SEMA4F: variants seen among roughly 807,000 people sequenced by gnomAD.
SEMA4F encodes the protein semaphorin-4F.
Under a neutral mutation model 78.4 loss-of-function variants are expected in SEMA4F, and 51 were observed. The ratio of observed to expected loss-of-function variants is 0.65; its 90% CI spans 0.52 to 0.82. The LOEUF is 0.82. SEMA4F is among the 40% of genes least tolerant of loss of function. The probability of loss-of-function intolerance (pLI) is 0.00; values close to 1 mark genes in which losing one functional copy is unlikely to be tolerated. For missense variants in SEMA4F, 938 were observed against 1,014.4 expected (o/e 0.92, Z 1.02); for synonymous variants, 418 against 408.7 (o/e 1.02, Z -0.27).
the SEMA4F span, among the ~76,000 whole-genome samples, chr2:74,705,974 T>C: frequency 6.6e-6 from 1 of 152,154 alleles, no homozygotes; most frequent in African/African-American, 2.4e-5. Flanking sequence ...TTTTTTTTTG[T>C]ATATTTTCTG....
the SEMA4F span, among the ~76,000 whole-genome samples, chr2:74,697,366 T>A: frequency 6.6e-6 from 1 of 152,210 alleles, no homozygotes; most frequent in African/African-American, 2.4e-5. Context: ...TGCACTTCTC[T>A]TTGAGAGGCT....
the SEMA4F span, among the ~76,000 whole-genome samples, chr2:74,705,505 A>T: frequency 6.6e-6 from 1 of 152,254 alleles, no homozygotes; most frequent in Admixed American, 6.5e-5. Flanking sequence ...GATGTTTGTC[A>T]TATATTATCA....
chr2:74,705,028 G>A, the SEMA4F span, among the ~76,000 whole-genome samples: 1 of 152,196 alleles, frequency 6.6e-6, no homozygotes. Context: ...TTGCAAATGT[G>A]CAGATGGGTT....
At chr2:74,691,014 G>A in the SEMA4F span, among the ~76,000 whole-genome samples, 4,425 of 152,140 alleles carry the variant, frequency 0.029, 193 homozygotes, top group African/African-American at 0.094. Flanking sequence ...GATTTTCGTG[G>A]TCATCCAAAG....
At position 74,675,237 on chromosome 2, in the gene SEMA4F, C is replaced by T. The variant is rs188071306; in HGVS notation, c.1225C>T (p.Arg409Trp). The T allele has an allele frequency of 2.5e-5, 41 of 1,614,172 alleles. No homozygotes were observed. Among genetic ancestry groups the T allele is most frequent in the Admixed American group, 1.7e-4 (10 of 60,028 alleles). ...GCCTGACCGCGTACTCACCTTCATCCGGGACCACCCACTCATGGACAGGCC... is the reference window on the plus strand; with the variant it reads ...GCCTGACCGCGTACTCACCTTCATCTGGGACCACCCACTCATGGACAGGCC... ...SLPDRVLTFI[R>W]DHPLMDRPVF... Residue 409 changes from arginine to tryptophan, a missense_variant, in exon 10 of 14, where the codon CGG (arginine) becomes TGG (tryptophan). By Grantham distance (101) the Arg-to-Trp change is moderately radical. Coordinates refer to ENST00000357877, the MANE Select transcript of SEMA4F (RefSeq NM_004263.5).
At chr2:74,656,868 G>A (rs1180571815) in intron 2 of SEMA4F, among the ~76,000 whole-genome samples, 183 bp downstream of exon 2, 1 of 152,060 alleles carries the variant, frequency 6.6e-6, no homozygotes. Context: ...AGAGTATGGC[G>A]GGTCAGGGTG....
the SEMA4F span, among the ~76,000 whole-genome samples, chr2:74,698,007 C>T: frequency 6.6e-6 from 1 of 152,172 alleles, no homozygotes; most frequent in South Asian, 2.1e-4. Flanking sequence ...AGATGCTTGT[C>T]CAGGCCCTGG....
At chr2:74,662,957 G>A in intron 5 of SEMA4F, 132 bp downstream of exon 5, 1 of 803,748 alleles carries the variant, frequency 1.2e-6, no homozygotes. Context: ...AGCCTTTCCT[G>A]TTCTTCCCTG....
At chr2:74,703,472 G>A in the SEMA4F span, among the ~76,000 whole-genome samples, 8 of 152,214 alleles carry the variant, frequency 5.3e-5, no homozygotes, top group African/African-American at 9.7e-5. Context: ...GAACTTAGCC[G>A]CGAAATAGTG....
In SEMA4F at chr2:74,654,293, C is replaced by G. The variant is rs1388547198; in HGVS notation, c.-84C>G. Reference sequence around the variant, plus strand: ...CTGAGCCGGACCGAGCCGAGAGGACCCGAGTGGGGCCGAGGCCAGTAGCCC... The same window carrying G: ...CTGAGCCGGACCGAGCCGAGAGGACGCGAGTGGGGCCGAGGCCAGTAGCCC... On this transcript the variant is annotated 5_prime_UTR_variant, in exon 1 of 14. Transcript: ENST00000357877. 2 of 1,355,484 alleles carry G rather than the reference C, an allele frequency of 1.5e-6. No individual in the cohort carries two copies. Among genetic ancestry groups the G allele is most frequent in the South Asian group, 3.5e-5 (2 of 57,966 alleles). The allele number at this position is 1,355,484 out of a possible 1,614,324, so 84.0% of individuals were successfully genotyped here.
chr2:74,674,735 A>G lies in SEMA4F; in HGVS notation c.1001+59A>G, dbSNP rs898545050. 1.7e-5 allele frequency: 27 copies of G among 1,583,922 alleles called. No homozygotes were observed. The African/African-American group carries it at 1.9e-4, about 11-fold the overall frequency. ...GTGGGAGATATGTGGGGTTGGCACA[A>G]TGTCAGTGTTGTCTCTTCCAGAGGG... On this transcript the variant is annotated intron_variant, in intron 8 of 13. Transcript: ENST00000357877.
downstream of SEMA4F, among the ~76,000 whole-genome samples, chr2:74,687,137 T>C (rs1271335546): frequency 6.6e-6 from 1 of 152,206 alleles, no homozygotes; most frequent in East Asian, 1.9e-4. Context: ...TCCATCTATC[T>C]AAACTATTTT....
the SEMA4F span, among the ~76,000 whole-genome samples, chr2:74,702,136 C>G: frequency 2.6e-5 from 4 of 152,316 alleles, no homozygotes; most frequent in African/African-American, 9.6e-5. Flanking sequence ...GTAAGTTTGG[C>G]AGCCCTGAGG....
At position 74,673,422 on chromosome 2, in the gene SEMA4F, C is replaced by G. The variant is rs752601376; in HGVS notation, c.551-35C>G. On this transcript the variant is annotated intron_variant, in intron 5 of 13. Coordinates refer to ENST00000357877, the MANE Select transcript of SEMA4F (RefSeq NM_004263.5). ...ACCTCTGTTGCTTCCCTCAGTGGGT[C>G]CCTGATAGCCCATCTCCTCCCTGTC... The G allele has an allele frequency of 6.2e-6, 10 of 1,611,792 alleles. No homozygotes were observed. The African/African-American group carries it at 1.2e-4, about 19-fold the overall frequency.
In SEMA4F at chr2:74,682,135, G is replaced by A. The variant is rs1685650715; in HGVS notation, c.*1926G>A. 1 of 152,250 alleles carries A rather than the reference G, an allele frequency of 6.6e-6. No individual in the cohort carries two copies. Among genetic ancestry groups the A allele is most frequent in the East Asian group, 1.9e-4 (1 of 5,190 alleles). The allele number at this position is 152,250 out of a possible 1,614,324, so 9.4% of individuals were successfully genotyped here. ...CTATATGATAACCATGACATTCGTAGGCTGGGCATGGTGGCTTACGCCTGT... is the reference window on the plus strand; with the variant it reads ...CTATATGATAACCATGACATTCGTAAGCTGGGCATGGTGGCTTACGCCTGT... On this transcript the variant is annotated 3_prime_UTR_variant, in exon 14 of 14. Transcript: ENST00000357877.
At position 74,682,415 on chromosome 2, in the gene SEMA4F, C is replaced by CA. The variant is rs370845200; in HGVS notation, c.*2222dup. On this transcript the variant is annotated 3_prime_UTR_variant, in exon 14 of 14. Transcript: ENST00000357877. ...TGGGCAACAGAGCAAAACTCCGTCTCAAAAAAAAAAAAAAAAGATAACCAT... is the reference window on the plus strand; with the variant it reads ...TGGGCAACAGAGCAAAACTCCGTCTCAAAAAAAAAAAAAAAAAGATAACCAT... 6,321 of 94,800 alleles carry CA rather than the reference C, an allele frequency of 0.067. 463 individuals are homozygous for CA. Among genetic ancestry groups the CA allele is most frequent in the African/African-American group, 0.2 (5,707 of 29,142 alleles). 5.9% of individuals were successfully genotyped at this position (94,800 alleles called of 1,614,324 possible). A position where few individuals can be genotyped will look rare whatever the true frequency, so the allele number is the denominator to read the frequency against.
At chr2:74,707,820 A>G in the SEMA4F span, among the ~76,000 whole-genome samples, 1 of 152,156 alleles carries the variant, frequency 6.6e-6, no homozygotes, top group Non-Finnish European at 1.5e-5. Context: ...TGGGGAGACC[A>G]AAGCAACTAG....
intron 1 of SEMA4F, 21 bp from the exon 2 acceptor site, chr2:74,656,513 A>T (rs767513502): frequency 6.2e-7 from 1 of 1,606,790 alleles, no homozygotes; most frequent in South Asian, 1.1e-5. Context: ...GGCTAACATC[A>T]CTCTCCTCTC....
rs1276673344 is a variant in SEMA4F, at chr2:74,680,230, G to T, written c.*21G>T. 1.3e-6 allele frequency: 2 copies of T among 1,532,606 alleles called. No individual in the cohort carries two copies. The highest frequency in any genetic ancestry group is 8.8e-7 in the Non-Finnish European group (1 of 1,136,494). 94.9% of individuals were successfully genotyped at this position (1,532,606 alleles called of 1,614,324 possible). Reference sequence around the variant, plus strand: ...TCTAGAGCTGGGCAAATGACCACTAGTGTATAAGTGATCACTGGAACGGAG... The same window carrying T: ...TCTAGAGCTGGGCAAATGACCACTATTGTATAAGTGATCACTGGAACGGAG... On this transcript the variant is annotated 3_prime_UTR_variant, in exon 14 of 14. Coordinates refer to ENST00000357877, the MANE Select transcript of SEMA4F (RefSeq NM_004263.5).
Sources: gnomAD v4.1 joint callset for allele counts (sites outside exome capture counted in the v4.1 genomes callset) on GRCh38, gnomAD v4.1.1 for gene constraint, MANE v1.5 for transcripts, NCBI Gene and HGNC (gene_info 2026-07-23, HGNC 2026-07-21) for gene names.